Variants in RPP30 observed in about 807,000 individuals in gnomAD.
RPP30 encodes ribonuclease P protein subunit p30.
Under a neutral mutation model 38.6 loss-of-function variants are expected in RPP30, and 36 were observed. The observed-to-expected ratio is 0.93, with a 90% CI of 0.71 to 1.23. The LOEUF is 1.23. RPP30 is among the 50% of genes most tolerant of loss of function. RPP30 has a pLI of 0.00. For synonymous variants in RPP30, 126 were observed against 112.7 expected, an observed-to-expected ratio of 1.12 and a Z score of -0.75; for missense variants, 321 against 321.7, an observed-to-expected ratio of 1.00 and a Z score of 0.02.
chr10:90,872,795 G>A (rs1348963779), intron 1 of RPP30, among the ~76,000 whole-genome samples: 1 of 152,218 alleles, frequency 6.6e-6, no homozygotes, highest in Non-Finnish European at 1.5e-5. Flanking sequence ...ATACTGTTCA[G>A]AGGTGGTGCT....
chr10:90,887,386 A>ATTT (rs1267063795), intron 6 of RPP30, among the ~76,000 whole-genome samples: 1 of 143,418 alleles, frequency 7.0e-6, no homozygotes, highest in Non-Finnish European at 1.5e-5. Context: ...TGTTGGGTAA[A>ATTT]TTTTTTTTTT....
downstream of RPP30, among the ~76,000 whole-genome samples, chr10:90,907,704 C>T (rs1847268508): frequency 6.6e-6 from 1 of 152,178 alleles, no homozygotes; most frequent in African/African-American, 2.4e-5. Flanking sequence ...CTACCTGGAA[C>T]ACTTGATTCT....
At chr10:90,882,715 G>A (rs1430344312) in intron 5 of RPP30, among the ~76,000 whole-genome samples, 1 of 152,174 alleles carries the variant, frequency 6.6e-6, no homozygotes, top group Non-Finnish European at 1.5e-5. Flanking sequence ...TGTAATTCCA[G>A]GACTTTGGGA....
rs1343569039 is a variant in RPP30 at position 90,901,255 on chromosome 10, G to A, written c.*576G>A. 2.0e-6 allele frequency: 2 copies of A among 977,642 alleles called. No individual in the cohort carries two copies. Among genetic ancestry groups the A allele is most frequent in the African/African-American group, 3.5e-5 (2 of 56,746 alleles). 60.6% of individuals were successfully genotyped at this position (977,642 alleles called of 1,614,324 possible). On this transcript the variant is annotated 3_prime_UTR_variant, in exon 11 of 11. Transcript: ENST00000371703. ...TCCCGCTTTGGCCTCCTAAAGTGCT[G>A]GGATTACATGAGCCACCACATGCAG...
chr10:90,896,090 T>TA (rs1589501530), intron 9 of RPP30, among the ~76,000 whole-genome samples, 173 bp downstream of exon 9: 1 of 152,240 alleles, frequency 6.6e-6, no homozygotes, highest in East Asian at 1.9e-4. Flanking sequence ...TTCTGTTTTT[T>TA]AATTAATCAT....
chr10:90,905,827 A>G (rs1190582721), downstream of RPP30: 1 of 152,244 alleles, frequency 6.6e-6, no homozygotes, highest in East Asian at 1.9e-4. Context: ...TATTCTTCAG[A>G]AATAACTGGT....
intron 4 of RPP30, 124 bp from the exon 5 acceptor site, chr10:90,878,939 A>G: frequency 1.5e-6 from 1 of 653,626 alleles, no homozygotes. Flanking sequence ...TACAAAGCAA[A>G]GCAGAAATGT....
chr10:90,872,064 T>C lies in RPP30; in HGVS notation c.78T>C (p.Ala26=). The C allele has an allele frequency of 6.2e-7, 1 of 1,613,994 alleles. No homozygotes were observed. The highest frequency in any genetic ancestry group is 8.5e-7 in the Non-Finnish European group (1 of 1,179,900). The change falls in exon 1 of 11, where the codon GCT becomes GCC. Residue 26 remains alanine, a synonymous_variant. Coordinates refer to ENST00000371703, the MANE Select transcript of RPP30 (RefSeq NM_006413.5). ...KALRGLVETA[A]HLGYSVVAIN... is the part of the protein sequence containing the mutation. The stretch of plus-strand genomic sequence containing the variant: ...TGCGCGGACTTGTGGAGACAGCCGC[T>C]CACCGTGAGTTGCCCCGGCTTCGCG...
chr10:90,905,735 A>G (rs1226745910), downstream of RPP30: 1 of 152,208 alleles, frequency 6.6e-6, no homozygotes, highest in African/African-American at 2.4e-5. Flanking sequence ...TAAAAGAAAA[A>G]AAGATTTATA....
Position 90,901,724 on chromosome 10 carries a change from G to A in RPP30, c.*1045G>A. 2.0e-6 allele frequency: 2 copies of A among 984,186 alleles called. No homozygotes were observed. The highest frequency in any genetic ancestry group is 2.4e-6 in the Non-Finnish European group (2 of 828,918). 61.0% of individuals were successfully genotyped at this position (984,186 alleles called of 1,614,324 possible). On this transcript the variant is annotated 3_prime_UTR_variant, in exon 11 of 11. Coordinates refer to ENST00000371703, the MANE Select transcript of RPP30 (RefSeq NM_006413.5). ...TGCATTTATGCAATATTAATGTAAG[G>A]GCTCTAAAACAATGGAGTAGAGCCA... is the stretch of plus-strand genomic sequence containing the variant.
In RPP30 at chr10:90,876,191, T is replaced by C. The variant is rs145866180; in HGVS notation, c.270+93T>C. ...TGCATTTTGTCTTCCCCATTTTACATTTTCCCTCGCCCCCGCCAAACCATG... is the reference window on the plus strand; with the variant it reads ...TGCATTTTGTCTTCCCCATTTTACACTTTCCCTCGCCCCCGCCAAACCATG... On this transcript the variant is annotated intron_variant, in intron 4 of 10. Coordinates refer to ENST00000371703, the MANE Select transcript of RPP30 (RefSeq NM_006413.5). 19 of 802,864 alleles carry C rather than the reference T, an allele frequency of 2.4e-5. No individual in the cohort carries two copies. The African/African-American group carries it at 2.9e-4, about 12-fold the overall frequency. The allele number at this position is 802,864 out of a possible 1,614,324, so 49.7% of individuals were successfully genotyped here. A position where few individuals can be genotyped will look rare whatever the true frequency, so the allele number is the denominator to read the frequency against.
intron 4 of RPP30, 101 bp from the exon 5 acceptor site, chr10:90,878,962 A>G: frequency 1.0e-6 from 1 of 962,596 alleles, no homozygotes; most frequent in South Asian, 1.4e-5. Context: ...GTATATTAGA[A>G]GTGTTCCATG....
At chr10:90,873,812 A>G (rs1564709624) in intron 1 of RPP30, among the ~76,000 whole-genome samples, 1 of 149,806 alleles carries the variant, frequency 6.7e-6, no homozygotes, top group African/African-American at 2.5e-5. Flanking sequence ...CATACTTGTG[A>G]TTTTTTTTTT....
Position 90,900,686 on chromosome 10 carries a change from T to G in RPP30, c.*7T>G. 1 of 1,611,714 alleles carries G rather than the reference T, an allele frequency of 6.2e-7. No individual in the cohort carries two copies. Among genetic ancestry groups the G allele is most frequent in the South Asian group, 1.1e-5 (1 of 90,286 alleles). ...AGCCAAGTGTGAGGGCTGAAAAGAA[T>G]GCCCCAGTCTCTGTCAGCACTCCCT... On this transcript the variant is annotated 3_prime_UTR_variant, in exon 11 of 11. Coordinates refer to ENST00000371703, the MANE Select transcript of RPP30 (RefSeq NM_006413.5).
chr10:90,875,858 C>T (rs1261669257), intron 3 of RPP30, among the ~76,000 whole-genome samples, 166 bp from the exon 4 acceptor site: 1 of 152,148 alleles, frequency 6.6e-6, no homozygotes, highest in Non-Finnish European at 1.5e-5. Context: ...ATATATACAT[C>T]TCTTTCTGTG....
At chr10:90,906,985 A>G (rs969966098), downstream of RPP30, among the ~76,000 whole-genome samples, 7 of 152,236 alleles carry the variant, frequency 4.6e-5, no homozygotes, top group South Asian at 1.4e-3. Flanking sequence ...TTCCATTAGC[A>G]GAAATAACTA....
At chr10:90,904,416 G>A (rs563068049), downstream of RPP30, among the ~76,000 whole-genome samples, 18 of 152,284 alleles carry the variant, frequency 1.2e-4, no homozygotes, top group Non-Finnish European at 2.2e-4. Flanking sequence ...TAACCTCTCT[G>A]TGCCTCGCTT....
intron 6 of RPP30, 116 bp downstream of exon 6, chr10:90,886,017 G>A (rs1019602420): frequency 3.2e-6 from 2 of 615,722 alleles, no homozygotes; most frequent in African/African-American, 3.9e-5. Flanking sequence ...GGAATAGGAG[G>A]CAGTTTTAGA....
chr10:90,879,697 G>C (rs1288996371), intron 5 of RPP30, among the ~76,000 whole-genome samples: 1 of 152,070 alleles, frequency 6.6e-6, no homozygotes, highest in African/African-American at 2.4e-5. Flanking sequence ...AATTTCTTTT[G>C]TACTTGTAAA....
Sources: gnomAD v4.1 joint callset for allele counts (sites outside exome capture counted in the v4.1 genomes callset) on GRCh38, gnomAD v4.1.1 for gene constraint, MANE v1.5 for transcripts, NCBI Gene and HGNC (gene_info 2026-07-23, HGNC 2026-07-21) for gene names.